The following MAML2 variants were observed in gnomAD, a reference collection of about 807,000 sequenced individuals.
The protein encoded by MAML2 is mastermind-like protein 2.
In MAML2, 22 loss-of-function variants were observed where a neutral mutation model predicts 96.1. The ratio of observed to expected loss-of-function variants is 0.23; its 90% confidence interval spans 0.16 to 0.33. MAML2 has a LOEUF of 0.33. Ranked by LOEUF, MAML2 falls within the 10% of genes least tolerant of loss-of-function variation. MAML2 has a pLI of 1.00. For missense variants in MAML2, 1,367 were observed against 1,392.4 expected, an observed-to-expected ratio of 0.98 and a Z score of 0.29; for synonymous variants, 561 against 521.3, an observed-to-expected ratio of 1.08 and a Z score of -1.04.
At chr11:96,251,416 AT>A (rs1406489904) in intron 1 of MAML2, among the ~76,000 whole-genome samples, 1 of 152,148 alleles carries the variant, frequency 6.6e-6, no homozygotes, top group African/African-American at 2.4e-5. Context: ...GTCTTATAAC[AT>A]TTTTTATGGG....
At chr11:96,094,593 C>A (rs1052594378) in intron 1 of MAML2, among the ~76,000 whole-genome samples, 1 of 152,136 alleles carries the variant, frequency 6.6e-6, no homozygotes, top group Non-Finnish European at 1.5e-5. Flanking sequence ...TCAGATTATA[C>A]TTTATGAGCC....
rs750202880 is a variant in MAML2 at position 95,985,558 on chromosome 11, T to C, written c.2428A>G (p.Asn810Asp). The C allele has an allele frequency of 1.2e-6, 2 of 1,611,330 alleles. No homozygotes were observed. The highest frequency in any genetic ancestry group is 4.5e-5 in the East Asian group (2 of 44,776). ...GAATACTGAGCAGTTGGTTGCATAT[T>C]GCCCACATTTCTTCTTTGGTCTTTA... ...DYKDQRRNVG[N>D]MQPTAQYSGG... The change falls in exon 4 of 5, where the codon AAT (asparagine) becomes GAT (aspartate). Residue 810 changes from asparagine to aspartate, a missense_variant. Coordinates refer to ENST00000524717, the MANE Select transcript of MAML2 (RefSeq NM_032427.4).
chr11:96,342,799 T>G lies in MAML2; in HGVS notation c.-904A>C, dbSNP rs1449973536. 1 of 312,968 alleles carries G rather than the reference T, an allele frequency of 3.2e-6. No homozygotes were observed. The highest frequency in any genetic ancestry group is 2.1e-5 in the African/African-American group (1 of 47,362). 19.4% of individuals were successfully genotyped at this position (312,968 alleles called of 1,614,324 possible). A position where few individuals can be genotyped will look rare whatever the true frequency, so the allele number is the denominator to read the frequency against. On this transcript the variant is annotated 5_prime_UTR_variant, in exon 1 of 5. Coordinates refer to ENST00000524717, the MANE Select transcript of MAML2 (RefSeq NM_032427.4). ...CTGAGAGAGATCCTTCAACACATTT[T>G]TTTCTTTCCCGCTTACGTTTCTATT... is the stretch of plus-strand genomic sequence containing the variant.
chr11:96,251,833 G>A (rs1367643233), intron 1 of MAML2, among the ~76,000 whole-genome samples: 2 of 150,888 alleles, frequency 1.3e-5, no homozygotes, highest in Non-Finnish European at 2.9e-5. Context: ...CCAGGTTCAC[G>A]CCATTCTCCT....
chr11:96,133,556 A>G (rs935972838), intron 1 of MAML2, among the ~76,000 whole-genome samples: 1 of 152,354 alleles, frequency 6.6e-6, no homozygotes, highest in South Asian at 2.1e-4. Flanking sequence ...CTTGGCAGAA[A>G]AACAGTTTAA....
At chr11:96,316,736 A>G (rs1863638001) in intron 1 of MAML2, among the ~76,000 whole-genome samples, 2 of 152,274 alleles carry the variant, frequency 1.3e-5, no homozygotes, top group South Asian at 2.1e-4. Flanking sequence ...GTAGGATGTA[A>G]ACAATTGTAT....
At chr11:96,029,998 C>T (rs1759407561) in intron 2 of MAML2, among the ~76,000 whole-genome samples, 3 of 152,122 alleles carry the variant, frequency 2.0e-5, no homozygotes, top group Admixed American at 2.0e-4. Context: ...CTTTGGGAGG[C>T]CAAGGTGGGT....
At chr11:96,235,285 T>C (rs1862352815) in intron 1 of MAML2, among the ~76,000 whole-genome samples, 1 of 152,198 alleles carries the variant, frequency 6.6e-6, no homozygotes, top group Non-Finnish European at 1.5e-5. Flanking sequence ...AAAGTTTTAT[T>C]GGAACATAGA....
At chr11:95,994,360 T>A (rs1435488726) in intron 2 of MAML2, among the ~76,000 whole-genome samples, 9 of 152,200 alleles carry the variant, frequency 5.9e-5, no homozygotes, top group Admixed American at 5.9e-4. Flanking sequence ...TTTAAATCCA[T>A]CATGAATTTC....
At chr11:96,023,796 G>T (rs1259122481) in intron 2 of MAML2, among the ~76,000 whole-genome samples, 1 of 152,174 alleles carries the variant, frequency 6.6e-6, no homozygotes, top group Non-Finnish European at 1.5e-5. Context: ...TTCTGAGCAA[G>T]GCAGAAGGTA....
At chr11:96,029,801 A>G (rs600873) in intron 2 of MAML2, among the ~76,000 whole-genome samples, 13,029 of 152,264 alleles carry the variant, frequency 0.086, 1,059 homozygotes, top group African/African-American at 0.22. Context: ...TCAGGTGCTC[A>G]AAGATAGGCC....
At position 95,976,790 on chromosome 11, in the gene MAML2, G is replaced by A. The variant is rs991149622; in HGVS notation, c.*2158C>T. 2 of 184,876 alleles carry A rather than the reference G, an allele frequency of 1.1e-5. No individual in the cohort carries two copies. Among genetic ancestry groups the A allele is most frequent in the Admixed American group, 6.2e-5 (1 of 16,034 alleles). 11.5% of individuals were successfully genotyped at this position (184,876 alleles called of 1,614,324 possible). On this transcript the variant is annotated 3_prime_UTR_variant, in exon 5 of 5. Transcript: ENST00000524717. ...CACAGGAGTGTAACTGGGAAGTGCT[G>A]GCAGATATATACAGTAACATGGAGG...
chr11:96,237,555 AC>A (rs1204254558), intron 1 of MAML2, among the ~76,000 whole-genome samples: 1 of 152,238 alleles, frequency 6.6e-6, no homozygotes, highest in Non-Finnish European at 1.5e-5. Context: ...TAATATCTAA[AC>A]AAACTGTTAG....
At chr11:96,296,898 C>G (rs1424355141) in intron 1 of MAML2, among the ~76,000 whole-genome samples, 1 of 152,164 alleles carries the variant, frequency 6.6e-6, no homozygotes. Context: ...GAAACACAGG[C>G]AAAAGAGGAC....
chr11:96,170,024 A>G (rs574277117), intron 1 of MAML2, among the ~76,000 whole-genome samples: 23 of 152,346 alleles, frequency 1.5e-4, no homozygotes, highest in African/African-American at 3.8e-4. Context: ...TTTGCTGTAC[A>G]TTGTACAGAG....
At position 95,977,443 on chromosome 11, in the gene MAML2, TTTC is replaced by T; in HGVS notation, c.*1502_*1504del. ...TGCAGAATTTTCAAAGTGTGTTCTT[TTTC>T]TTTGAACAGATATTGAAAGACTTGA... On this transcript the variant is annotated 3_prime_UTR_variant, in exon 5 of 5. Transcript: ENST00000524717. 1 of 191,294 alleles carries T rather than the reference TTTC, an allele frequency of 5.2e-6. No homozygotes were observed. Among genetic ancestry groups the T allele is most frequent in the Admixed American group, 6.1e-5 (1 of 16,300 alleles). 11.8% of individuals were successfully genotyped at this position (191,294 alleles called of 1,614,324 possible). A position where few individuals can be genotyped will look rare whatever the true frequency, so the allele number is the denominator to read the frequency against.
chr11:96,278,535 A>G (rs1863020960), intron 1 of MAML2, among the ~76,000 whole-genome samples: 2 of 152,192 alleles, frequency 1.3e-5, no homozygotes, highest in African/African-American at 2.4e-5. Flanking sequence ...TTGACTGAGT[A>G]TTATGAAGGG....
intron 1 of MAML2, among the ~76,000 whole-genome samples, chr11:96,137,904 G>A (rs4753736): frequency 1 from 151,665 of 152,330 alleles, 75,504 homozygotes; most frequent in Middle Eastern, 1. Context: ...GTCTCTTTCA[G>A]TGAAATAATT....
intron 2 of MAML2, among the ~76,000 whole-genome samples, chr11:96,070,899 G>A (rs1485626431): frequency 6.6e-6 from 1 of 152,234 alleles, no homozygotes; most frequent in Non-Finnish European, 1.5e-5. Context: ...TTAATCTCAT[G>A]GGTACTAACT....
Sources: allele counts gnomAD v4.1 joint callset (sites outside exome capture counted in the v4.1 genomes callset), GRCh38; gene constraint gnomAD v4.1.1; transcripts MANE v1.5; gene names NCBI Gene and HGNC (gene_info 2026-07-23, HGNC 2026-07-21).